The following CARMIL1 variants were observed in gnomAD, a reference collection of about 807,000 sequenced individuals.
CARMIL1 encodes the protein F-actin-uncapping protein LRRC16A.
In CARMIL1, 90 loss-of-function variants were observed where a neutral mutation model predicts 177.1. The observed-to-expected ratio is 0.51, with a 90% confidence interval of 0.43 to 0.61. The LOEUF is 0.61. Among genes scored for constraint, CARMIL1 ranks in the 20% least tolerant of loss-of-function variants. CARMIL1 has a pLI of 0.00. For missense variants in CARMIL1, 1,380 were observed against 1,667.0 expected, an observed-to-expected ratio of 0.83 and a Z score of 3.00; for synonymous variants, 577 against 606.2, an observed-to-expected ratio of 0.95 and a Z score of 0.71.
intron 8 of CARMIL1, among the ~76,000 whole-genome samples, chr6:25,465,092 A>C (rs1212910328): frequency 6.7e-6 from 1 of 150,044 alleles, no homozygotes; most frequent in African/African-American, 2.5e-5. Flanking sequence ...AAAAAAAAAA[A>C]GACCAAATGG....
At chr6:25,463,593 T>A (rs940222049) in intron 8 of CARMIL1, among the ~76,000 whole-genome samples, 1 of 152,208 alleles carries the variant, frequency 6.6e-6, no homozygotes, top group Admixed American at 6.5e-5. Context: ...ACAAAAAAGA[T>A]GAGACTGCTT....
intron 14 of CARMIL1, 39 bp downstream of exon 14, chr6:25,491,848 C>T (rs1803269245): frequency 1.3e-6 from 2 of 1,519,970 alleles, no homozygotes; most frequent in Admixed American, 1.8e-5. Flanking sequence ...TCTGAGGGGT[C>T]TCAGAAGAGC....
rs529471495 is a variant in CARMIL1 at position 25,323,408 on chromosome 6, A to C, written c.138+38499A>C. 1.0e-4 allele frequency among the ~76,000 whole-genome samples: 13 copies of C among 125,216 alleles called. No homozygotes were observed. In the East Asian group the frequency reaches 1.9e-3, roughly 18 times the overall value. 82.1% of individuals were successfully genotyped at this position (125,216 alleles called of 152,430 possible). A position where few individuals can be genotyped will look rare whatever the true frequency, so the allele number is the denominator to read the frequency against. ...AGACCAGCCTAGGCAACAGAGCGAGACCCTGTCTCTACAAAAAAAAAAAAA... is the reference window on the plus strand; with the variant it reads ...AGACCAGCCTAGGCAACAGAGCGAGCCCCTGTCTCTACAAAAAAAAAAAAA... On this transcript the variant is annotated intron_variant, in intron 2 of 36. Coordinates refer to ENST00000329474, the MANE Select transcript of CARMIL1 (RefSeq NM_017640.6).
intron 2 of CARMIL1, among the ~76,000 whole-genome samples, chr6:25,346,211 T>C (rs1257170435): frequency 1.3e-5 from 2 of 152,186 alleles, no homozygotes; most frequent in Non-Finnish European, 2.9e-5. Context: ...TGGTGTGCCC[T>C]AGCCCTCCAT....
At chr6:25,412,028 C>A (rs72831234) in intron 2 of CARMIL1, among the ~76,000 whole-genome samples, 24,415 of 152,058 alleles carry the variant, frequency 0.16, 3,018 homozygotes, top group African/African-American at 0.34. Flanking sequence ...AATAAGGTCT[C>A]TAGAGATTGT....
chr6:25,472,079 GT>G (rs1398494551), intron 10 of CARMIL1, among the ~76,000 whole-genome samples: 3 of 151,768 alleles, frequency 2.0e-5, no homozygotes. Context: ...ATAAGATGTG[GT>G]GAATACTATA....
chr6:25,607,097 GT>G (rs1816042696), intron 35 of CARMIL1, among the ~76,000 whole-genome samples: 1 of 151,712 alleles, frequency 6.6e-6, no homozygotes, highest in Admixed American at 6.6e-5. Flanking sequence ...TGATCACACT[GT>G]GACCACACCA....
chr6:25,549,998 G>A (rs1316096413), intron 26 of CARMIL1, among the ~76,000 whole-genome samples: 2 of 152,020 alleles, frequency 1.3e-5, no homozygotes, highest in African/African-American at 2.4e-5. Context: ...TCATTTTATG[G>A]TCAAGGAAAG....
intron 33 of CARMIL1, among the ~76,000 whole-genome samples, chr6:25,602,098 AACTCC>A: frequency 6.6e-6 from 1 of 152,318 alleles, no homozygotes; most frequent in Middle Eastern, 3.4e-3. Context: ...TTAAAAATTA[AACTCC>A]ACTTCCCACC....
intron 5 of CARMIL1, among the ~76,000 whole-genome samples, chr6:25,437,552 A>G (rs1436272751): frequency 6.6e-6 from 1 of 152,154 alleles, no homozygotes; most frequent in Non-Finnish European, 1.5e-5. Flanking sequence ...TAAATCTGTG[A>G]CCTCTGCTGT....
Position 25,619,435 on chromosome 6 carries a change from T to G in CARMIL1, c.3980-12T>G. 1 of 1,607,346 alleles carries G rather than the reference T, an allele frequency of 6.2e-7. No individual in the cohort carries two copies. Among genetic ancestry groups the G allele is most frequent in the Non-Finnish European group, 8.5e-7 (1 of 1,177,488 alleles). On this transcript the variant is annotated splice_polypyrimidine_tract_variant and intron_variant, in intron 36 of 36. Coordinates refer to ENST00000329474, the MANE Select transcript of CARMIL1 (RefSeq NM_017640.6). Reference sequence around the variant, plus strand: ...TTGTCAGTAAACTGTGCGACTTCCCTTTTTATTTCAGTTTCAAGGAGAAGC... The same window carrying G: ...TTGTCAGTAAACTGTGCGACTTCCCGTTTTATTTCAGTTTCAAGGAGAAGC...
At chr6:25,319,218 A>C (rs369510409) in intron 2 of CARMIL1, among the ~76,000 whole-genome samples, 7 of 152,176 alleles carry the variant, frequency 4.6e-5, no homozygotes, top group African/African-American at 1.4e-4. Context: ...TATTCAGAGA[A>C]ATCCTTTGCT....
intron 29 of CARMIL1, among the ~76,000 whole-genome samples, chr6:25,575,535 A>T (rs1256333815): frequency 1.3e-5 from 2 of 152,230 alleles, no homozygotes; most frequent in Non-Finnish European, 2.9e-5. Flanking sequence ...ATTCATAGTC[A>T]TACCTTTAAG....
At chr6:25,387,049 G>C (rs1481008761) in intron 2 of CARMIL1, among the ~76,000 whole-genome samples, 3 of 146,374 alleles carry the variant, frequency 2.0e-5, no homozygotes, top group African/African-American at 7.7e-5. Context: ...AGAATCGTTT[G>C]AACCTGCGAG....
chr6:25,279,846 C>T lies in CARMIL1; in HGVS notation c.40+11C>T. On this transcript the variant is annotated intron_variant, in intron 1 of 36. Transcript: ENST00000329474. ...CCAGGGAGTTGATAGGTAAGATTCA[C>T]GCGGTTGTTGGTTTTCCACCTTCCT... The T allele has an allele frequency of 1.9e-6, 3 of 1,613,912 alleles. No individual in the cohort carries two copies. The highest frequency in any genetic ancestry group is 1.7e-6 in the Non-Finnish European group (2 of 1,179,816).
chr6:25,291,248 C>G (rs143737081), intron 2 of CARMIL1, among the ~76,000 whole-genome samples: 66 of 151,950 alleles, frequency 4.3e-4, no homozygotes, highest in African/African-American at 1.4e-3. Context: ...TTTTGGGTAA[C>G]GTATCCCTAA....
chr6:25,528,649 C>A, intron 23 of CARMIL1, 146 bp from the exon 24 acceptor site: 1 of 661,028 alleles, frequency 1.5e-6, no homozygotes, highest in Admixed American at 2.6e-5. Context: ...TTTCTCCATC[C>A]CATGTGTTTT....
intron 29 of CARMIL1, among the ~76,000 whole-genome samples, chr6:25,575,653 A>G (rs1025373434): frequency 2.6e-5 from 4 of 152,210 alleles, no homozygotes; most frequent in Non-Finnish European, 5.9e-5. Context: ...TTGATCCAGC[A>G]AGGATGTTTT....
At chr6:25,410,057 T>C (rs1192404313) in intron 2 of CARMIL1, among the ~76,000 whole-genome samples, 1 of 152,156 alleles carries the variant, frequency 6.6e-6, no homozygotes, top group Non-Finnish European at 1.5e-5. Flanking sequence ...ATATATGTAA[T>C]GGTGTTAAAT....
Sources: allele counts gnomAD v4.1 joint callset (sites outside exome capture counted in the v4.1 genomes callset), GRCh38; gene constraint gnomAD v4.1.1; transcripts MANE v1.5; gene names NCBI Gene and HGNC (gene_info 2026-07-23, HGNC 2026-07-21).